Variants in CMYA5 observed in about 807,000 individuals in gnomAD.
CMYA5 encodes cardiomyopathy-associated protein 5.
Under a neutral mutation model 318.9 loss-of-function variants are expected in CMYA5, and 246 were observed. The ratio of observed to expected loss-of-function variants is 0.77; its 90% CI spans 0.70 to 0.86. CMYA5 has a LOEUF of 0.86. CMYA5 is among the 40% of genes least tolerant of loss of function. The pLI is 0.00. For synonymous variants in CMYA5, 1,641 were observed against 1,729.5 expected (o/e 0.95, Z 1.27); for missense variants, 4,589 against 4,678.2 (o/e 0.98, Z 0.56).
intron 1 of CMYA5, among the ~76,000 whole-genome samples, chr5:79,706,725 G>T (rs866876028): frequency 6.9e-5 from 10 of 145,788 alleles, no homozygotes; most frequent in Non-Finnish European, 1.5e-4. Flanking sequence ...GGCTCTCTGT[G>T]GGGGGAAGCA....
In CMYA5 at chr5:79,733,565, T is replaced by C. The variant is rs751227064; in HGVS notation, c.4800T>C (p.Ser1600=). 7 of 1,613,816 alleles carry C rather than the reference T, an allele frequency of 4.3e-6. No individual in the cohort carries two copies. The East Asian group carries it at 8.9e-5, about 21-fold the overall frequency. ...ACAAACCGGCAGTGGAGGTATCTTC[T>C]ACAGCTCAGGGAGACTTCCCATCAG... The part of the protein sequence containing the change: ...DKNKPAVEVS[S]TAQGDFPSEK... The change falls in exon 2 of 13, where the codon TCT becomes TCC. Residue 1600 remains serine, a synonymous_variant. Coordinates refer to ENST00000446378, the MANE Select transcript of CMYA5 (RefSeq NM_153610.5).
At chr5:79,710,586 A>G (rs1827370434) in intron 1 of CMYA5, among the ~76,000 whole-genome samples, 1 of 152,208 alleles carries the variant, frequency 6.6e-6, no homozygotes, top group Non-Finnish European at 1.5e-5. Flanking sequence ...GAATGCTGAT[A>G]TATTAAAAGT....
chr5:79,737,050 A>G lies in CMYA5; in HGVS notation c.8285A>G (p.Glu2762Gly). ...RDMPDHSEEK[E>G]QFKESELWKG... ...ATGCCAGATCACAGTGAAGAAAAAG[A>G]ACAGTTCAAAGAGTCAGAGCTATGG... Residue 2762 changes from glutamate (E) to glycine (G), a missense_variant, in exon 2 of 13, where the codon GAA becomes GGA. Glu to Gly is a moderately conservative substitution (Grantham distance 98). This residue lies in a region of CMYA5 where 2,431 missense variants were observed against 2,495.1 expected (regional missense o/e 0.97). Coordinates refer to ENST00000446378, the MANE Select transcript of CMYA5 (RefSeq NM_153610.5). The G allele has an allele frequency of 6.2e-7, 1 of 1,613,784 alleles. No homozygotes were observed. Among genetic ancestry groups the G allele is most frequent in the South Asian group, 1.1e-5 (1 of 91,048 alleles).
At position 79,736,333 on chromosome 5, in the gene CMYA5, A is replaced by G. The variant is rs1177488890; in HGVS notation, c.7568A>G (p.Tyr2523Cys). The change falls in exon 2 of 13, where the codon TAC (tyrosine) becomes TGC (cysteine). Residue 2523 changes from tyrosine to cysteine, a missense_variant. Tyr to Cys is a radical substitution (Grantham distance 194). Transcript: ENST00000446378. Reference sequence around the variant, plus strand: ...CAGCACTTCTATCAAAATGAAGACTACAATGAAAGACCCAAAATCATTGTT... The same window carrying G: ...CAGCACTTCTATCAAAATGAAGACTGCAATGAAAGACCCAAAATCATTGTT... Reference protein sequence around the residue: ...MPQHFYQNEDYNERPKIIVGS... With the variant: ...MPQHFYQNEDCNERPKIIVGS... The G allele has an allele frequency of 1.9e-6, 3 of 1,613,636 alleles. No homozygotes were observed. In the Admixed American group the frequency reaches 5.0e-5, roughly 27 times the overall value.
Position 79,726,909 on chromosome 5 carries a change from A to ATTTTTTTTTTTTTTTTTTTTTTTT in CMYA5, c.150-1983_150-1982insTTTTTTTTTTTTTTTTTTTTTTTT, listed in dbSNP as rs34198193. On this transcript the variant is annotated intron_variant, in intron 1 of 12. Transcript: ENST00000446378. The stretch of plus-strand genomic sequence containing the variant: ...AGAGCTAGGATTGTTTAGGCCAGTG[A>ATTTTTTTTTTTTTTTTTTTTTTTT]TTTTTTTTTTTTTTTTTTTTTTTGA... 2.0e-4 allele frequency among the ~76,000 whole-genome samples: 19 copies of ATTTTTTTTTTTTTTTTTTTTTTTT among 96,038 alleles called. 3 individuals carry two copies. Among genetic ancestry groups the ATTTTTTTTTTTTTTTTTTTTTTTT allele is most frequent in the East Asian group, 1.2e-3 (3 of 2,486 alleles). The allele number at this position is 96,038 out of a possible 152,430, so 63.0% of individuals were successfully genotyped here.
At chr5:79,726,910 T>TC (rs1827759925) in intron 1 of CMYA5, among the ~76,000 whole-genome samples, 1 of 76,508 alleles carries the variant, frequency 1.3e-5, no homozygotes, top group African/African-American at 1.1e-4. Flanking sequence ...AGGCCAGTGA[T>TC]TTTTTTTTTT....
chr5:79,709,960 C>CAAAAAAAAAAAAAAAAAAAAAAAAAA (rs61657639), intron 1 of CMYA5, among the ~76,000 whole-genome samples: 1 of 24,322 alleles, frequency 4.1e-5, no homozygotes, highest in African/African-American at 1.5e-4. Context: ...GACTCCATCT[C>CAAAAAAAAAAAAAAAAAAAAAAAAAA]AAAAAAAAAA....
chr5:79,799,855 AGTTCTTTCC>A lies in CMYA5; in HGVS notation c.*240_*248del. 2 of 280,014 alleles carry A rather than the reference AGTTCTTTCC, an allele frequency of 7.1e-6. No homozygotes were observed. Among genetic ancestry groups the A allele is most frequent in the East Asian group, 6.5e-5 (1 of 15,472 alleles). The allele number at this position is 280,014 out of a possible 1,614,324, so 17.3% of individuals were successfully genotyped here. A position where few individuals can be genotyped will look rare whatever the true frequency, so the allele number is the denominator to read the frequency against. ...CCACTCTTTAGTTTATATAAGTTTG[AGTTCTTTCC>A]TAAATTAAAAGATCTACACTTGAGT... On this transcript the variant is annotated 3_prime_UTR_variant, in exon 13 of 13. Coordinates refer to ENST00000446378, the MANE Select transcript of CMYA5 (RefSeq NM_153610.5).
chr5:79,689,846 A>T lies in CMYA5; in HGVS notation c.-62A>T. 1.6e-6 allele frequency: 1 copy of T among 624,328 alleles called. No individual in the cohort carries two copies. The highest frequency in any genetic ancestry group is 2.9e-6 in the Non-Finnish European group (1 of 348,980). The allele number at this position is 624,328 out of a possible 1,614,324, so 38.7% of individuals were successfully genotyped here. A position where few individuals can be genotyped will look rare whatever the true frequency, so the allele number is the denominator to read the frequency against. On this transcript the variant is annotated 5_prime_UTR_variant, in exon 1 of 13. Coordinates refer to ENST00000446378, the MANE Select transcript of CMYA5 (RefSeq NM_153610.5). ...GGCAGGGGCCAGAGCAGTCGGAGGG[A>T]GAACACCAGGCGCGGCGCGGGCGGC...
rs1828152904 is a variant in CMYA5, at chr5:79,738,978, C to T, written c.10213C>T (p.Pro3405Ser). 1 of 1,613,758 alleles carries T rather than the reference C, an allele frequency of 6.2e-7. No individual in the cohort carries two copies. Among genetic ancestry groups the T allele is most frequent in the African/African-American group, 1.3e-5 (1 of 74,884 alleles). ...SLEEPKILVP[P>S]EPSEERLRNS... ...AGAAGAACCTAAAATCCTGGTCCCA[C>T]CTGAGCCAAGTGAAGAGAGGCTCCG... Residue 3405 changes from proline (P) to serine (S), a missense_variant, in exon 2 of 13, where the codon CCT (proline) becomes TCT (serine). Pro to Ser is a moderately conservative substitution (Grantham distance 74). Around this residue, in one of 3 missense-constraint regions of CMYA5, gnomAD observed 2,431 missense variants for 2,495.1 expected, o/e 0.97. Transcript: ENST00000446378.
Position 79,730,031 on chromosome 5 carries a change from A to C in CMYA5, c.1266A>C (p.Val422=). The C allele has an allele frequency of 6.2e-7, 1 of 1,614,034 alleles. No individual in the cohort carries two copies. Among genetic ancestry groups the C allele is most frequent in the Non-Finnish European group, 8.5e-7 (1 of 1,179,898 alleles). ...SSVSPSFANE[V]KKEDVYSAHH... ...TCTCACCATCATTTGCTAATGAGGT[A>C]AAGAAGGAAGATGTGTATTCTGCTC... The change falls in exon 2 of 13, where the codon GTA becomes GTC. Residue 422 remains valine, a synonymous_variant. Coordinates refer to ENST00000446378, the MANE Select transcript of CMYA5 (RefSeq NM_153610.5).
intron 2 of CMYA5, among the ~76,000 whole-genome samples, chr5:79,741,991 C>T (rs924610222): frequency 6.6e-6 from 1 of 151,916 alleles, no homozygotes; most frequent in African/African-American, 2.4e-5. Flanking sequence ...GTTTGGTTGG[C>T]AATTCCTCCT....
At chr5:79,789,237 C>T in intron 10 of CMYA5, 133 bp downstream of exon 10, 2 of 1,004,132 alleles carry the variant, frequency 2.0e-6, no homozygotes, top group South Asian at 3.9e-5. Flanking sequence ...GTCATGAGGA[C>T]CCAAGGTTGG....
rs1470442306 is a variant in CMYA5, at chr5:79,731,251, A to G, written c.2486A>G (p.Glu829Gly). Reference sequence around the variant, plus strand: ...CAATTCAAACCAAAAGGTATTTCTGAGCACACAGTTCTGTCAGTAGACGGC... The same window carrying G: ...CAATTCAAACCAAAAGGTATTTCTGGGCACACAGTTCTGTCAGTAGACGGC... ...ASQFKPKGIS[E>G]HTVLSVDGKE... is the part of the protein sequence containing the mutation. Residue 829 changes from glutamate (E) to glycine (G), a missense_variant, in exon 2 of 13, where the codon GAG becomes GGG. Physicochemically the swap from Glu to Gly is moderately conservative, Grantham distance 98. Transcript: ENST00000446378. 6.2e-7 allele frequency: 1 copy of G among 1,614,030 alleles called. No homozygotes were observed. Among genetic ancestry groups the G allele is most frequent in the East Asian group, 2.2e-5 (1 of 44,878 alleles).
chr5:79,754,640 C>T (rs1173908325), intron 6 of CMYA5, among the ~76,000 whole-genome samples: 1 of 149,070 alleles, frequency 6.7e-6, no homozygotes, highest in Non-Finnish European at 1.5e-5. Context: ...TTGATGCTGG[C>T]ACCTGGGGAT....
rs1828685088 is a variant in CMYA5 at position 79,763,129 on chromosome 5, G to A, written c.11475G>A (p.Trp3825Ter). 1.2e-6 allele frequency: 2 copies of A among 1,612,478 alleles called. No homozygotes were observed. The highest frequency in any genetic ancestry group is 1.3e-5 in the African/African-American group (1 of 74,442). ...TVCWNTATIRWRPTTPEATET... is the reference protein window; with the variant it reads ...TVCWNTATIR Reference sequence around the variant, plus strand: ...GTTGGAACACAGCCACTATCCGATGGCGGCCCACCACCCCAGAGGCCACGG... The same window carrying A: ...GTTGGAACACAGCCACTATCCGATGACGGCCCACCACCCCAGAGGCCACGG... Residue 3825 changes from tryptophan to a stop codon, truncating the protein, a stop_gained, in exon 9 of 13, where the codon TGG (tryptophan) becomes TGA (stop). Coordinates refer to ENST00000446378, the MANE Select transcript of CMYA5 (RefSeq NM_153610.5). LOFTEE classifies it high-confidence loss of function.
At chr5:79,770,060 G>T (rs1468708922) in intron 9 of CMYA5, among the ~76,000 whole-genome samples, 1 of 152,172 alleles carries the variant, frequency 6.6e-6, no homozygotes, top group Non-Finnish European at 1.5e-5. Context: ...GCTGCGGTGG[G>T]TTCCACCCAG....
At chr5:79,703,459 T>C (rs1184536401) in intron 1 of CMYA5, among the ~76,000 whole-genome samples, 1 of 152,228 alleles carries the variant, frequency 6.6e-6, no homozygotes, top group Non-Finnish European at 1.5e-5. Flanking sequence ...TATTTCTGCT[T>C]TGAGGTTTCA....
chr5:79,737,719 C>T lies in CMYA5; in HGVS notation c.8954C>T (p.Ser2985Leu), dbSNP rs761388719. The change falls in exon 2 of 13, where the codon TCA becomes TTA. Residue 2985 changes from serine to leucine, a missense_variant. Physicochemically the swap from Ser to Leu is moderately radical, Grantham distance 145 (BLOSUM62 -2). Transcript: ENST00000446378. ...TTAGAATATTTGGAAGAGAAAGCCT[C>T]ATTTAAAACCATACCACTCCCTGAT... ...DKLEYLEEKA[S>L]FKTIPLPDDS... The T allele has an allele frequency of 3.7e-6, 6 of 1,612,088 alleles. No individual in the cohort carries two copies. In the Admixed American group the frequency reaches 1.0e-4, roughly 27 times the overall value.
Sources: gnomAD v4.1 joint callset for allele counts (sites outside exome capture counted in the v4.1 genomes callset) on GRCh38, gnomAD v4.1.1 for gene constraint, gnomAD v4.1.1 regional missense constraint, MANE v1.5 for transcripts, NCBI Gene and HGNC (gene_info 2026-07-23, HGNC 2026-07-21) for gene names.